The following GPC5 variants were observed in gnomAD, a reference collection of about 807,000 sequenced individuals.
GPC5 encodes glypican-5.
In GPC5, 47 loss-of-function variants were observed where a neutral mutation model predicts 53.9. That is an observed-to-expected ratio of 0.87 (90% CI 0.69 to 1.11). GPC5 has a LOEUF of 1.11. GPC5 is among the 50% of genes most tolerant of loss of function. The pLI is 0.00. For missense variants in GPC5, 748 were observed against 713.1 expected (o/e 1.05, Z -0.56); for synonymous variants, 286 against 263.3 (o/e 1.09, Z -0.84).
At chr13:92,866,244 G>T (rs771526459) in intron 7 of GPC5, 38 bp from the exon 8 acceptor site, 2 of 1,574,996 alleles carry the variant, frequency 1.3e-6, no homozygotes, top group Non-Finnish European at 1.7e-6. Context: ...TGGTGAAGTG[G>T]TCATGCATCA....
At chr13:92,646,218 G>A (rs1439099060) in intron 7 of GPC5, among the ~76,000 whole-genome samples, 1 of 151,976 alleles carries the variant, frequency 6.6e-6, no homozygotes, top group Admixed American at 6.6e-5. Flanking sequence ...GAAAGGTGAG[G>A]ATCAACACTC....
At chr13:92,197,137 T>C (rs1680469373) in intron 7 of GPC5, among the ~76,000 whole-genome samples, 1 of 152,066 alleles carries the variant, frequency 6.6e-6, no homozygotes, top group African/African-American at 2.4e-5. Context: ...TTTTAAAGGG[T>C]ATTCCTAATA....
At chr13:92,434,452 G>GA (rs1343600757) in intron 7 of GPC5, among the ~76,000 whole-genome samples, 1 of 151,700 alleles carries the variant, frequency 6.6e-6, no homozygotes, top group Admixed American at 6.6e-5. Flanking sequence ...TACTACAAGA[G>GA]AAAAAACATA....
At chr13:92,403,935 T>C (rs1875674451) in intron 7 of GPC5, among the ~76,000 whole-genome samples, 1 of 152,178 alleles carries the variant, frequency 6.6e-6, no homozygotes, top group African/African-American at 2.4e-5. Flanking sequence ...AATATTTCAT[T>C]TTCTTTTAAA....
intron 7 of GPC5, among the ~76,000 whole-genome samples, chr13:92,616,725 G>A (rs1373320560): frequency 6.6e-6 from 1 of 152,108 alleles, no homozygotes; most frequent in African/African-American, 2.4e-5. Context: ...TGAGAAACAT[G>A]ATGTAAAAGG....
chr13:91,898,238 A>G (rs1437107746), intron 5 of GPC5, among the ~76,000 whole-genome samples: 1 of 152,146 alleles, frequency 6.6e-6, no homozygotes, highest in African/African-American at 2.4e-5. Context: ...GTTTTATTAT[A>G]TTGTCCATTG....
chr13:92,223,926 A>G (rs2042466677), intron 7 of GPC5, among the ~76,000 whole-genome samples: 1 of 152,182 alleles, frequency 6.6e-6, no homozygotes, highest in African/African-American at 2.4e-5. Flanking sequence ...TTCCAAGAAT[A>G]TAAGAGGAAA....
chr13:91,410,360 T>TTTTG (rs1191983487), intron 1 of GPC5, among the ~76,000 whole-genome samples: 2 of 146,246 alleles, frequency 1.4e-5, no homozygotes, highest in Non-Finnish European at 3.0e-5. Context: ...TTTTTTTTTT[T>TTTTG]TTTGAGACCA....
chr13:92,010,668 C>G (rs962433460), intron 6 of GPC5, among the ~76,000 whole-genome samples: 2 of 152,118 alleles, frequency 1.3e-5, no homozygotes, highest in African/African-American at 4.8e-5. Context: ...GCCCTCTCTC[C>G]CTTTCTCTGT....
intron 6 of GPC5, among the ~76,000 whole-genome samples, chr13:92,121,259 T>G (rs2138944915): frequency 6.6e-6 from 1 of 152,314 alleles, no homozygotes; most frequent in African/African-American, 2.4e-5. Context: ...CCAATGGGCT[T>G]AGTCACAGGG....
At chr13:92,760,083 A>G (rs1038542200) in intron 7 of GPC5, among the ~76,000 whole-genome samples, 20 of 152,048 alleles carry the variant, frequency 1.3e-4, no homozygotes, top group African/African-American at 4.3e-4. Flanking sequence ...GTAATGGACA[A>G]TCTTTTTTAT....
chr13:91,410,638 G>GCA (rs1877689144), intron 1 of GPC5, among the ~76,000 whole-genome samples: 3 of 151,918 alleles, frequency 2.0e-5, no homozygotes, highest in Non-Finnish European at 4.4e-5. Flanking sequence ...GAGCCACTAC[G>GCA]CCCGGCCTTC....
chr13:92,388,913 T>A (rs1874866063), intron 7 of GPC5, among the ~76,000 whole-genome samples: 1 of 152,106 alleles, frequency 6.6e-6, no homozygotes, highest in South Asian at 2.1e-4. Flanking sequence ...CAAAAATGGT[T>A]ATGGGATAGT....
At chr13:92,585,045 C>T (rs559578720) in intron 7 of GPC5, among the ~76,000 whole-genome samples, 14 of 152,158 alleles carry the variant, frequency 9.2e-5, no homozygotes, top group Non-Finnish European at 1.6e-4. Flanking sequence ...GGAGAACTTC[C>T]GCTAGAGCAG....
rs2039956766 is a variant in GPC5 at position 91,944,388 on chromosome 13, G to A, written c.1401+36331G>A. Among the ~76,000 whole-genome samples the A allele has an allele frequency of 2.6e-5, 4 of 152,010 alleles. No homozygotes were observed. The South Asian group carries it at 6.2e-4, about 24-fold the overall frequency. On this transcript the variant is annotated intron_variant, in intron 6 of 7. Transcript: ENST00000377067. The stretch of plus-strand genomic sequence containing the variant: ...TGGGATTACAGGCGTGAGCCACCGC[G>A]CCCGGCCTGTGGCAGGATATTTCTT...
chr13:92,671,966 CA>C (rs1886767774), intron 7 of GPC5, among the ~76,000 whole-genome samples: 1 of 152,094 alleles, frequency 6.6e-6, no homozygotes, highest in Non-Finnish European at 1.5e-5. Flanking sequence ...AAACTCATTG[CA>C]AAATCATTGC....
chr13:92,052,706 C>T (rs971235948), intron 6 of GPC5, among the ~76,000 whole-genome samples: 1 of 152,124 alleles, frequency 6.6e-6, no homozygotes, highest in Non-Finnish European at 1.5e-5. Flanking sequence ...AAAAGTTTTC[C>T]AAGTCCCCAC....
chr13:92,762,036 T>C (rs1405029589), intron 7 of GPC5, among the ~76,000 whole-genome samples: 1 of 151,676 alleles, frequency 6.6e-6, no homozygotes, highest in East Asian at 1.9e-4. Context: ...AGGGAGTCCT[T>C]CAAATAGAAA....
intron 6 of GPC5, among the ~76,000 whole-genome samples, chr13:91,925,107 C>T (rs2039754796): frequency 6.6e-6 from 1 of 152,212 alleles, no homozygotes; most frequent in African/African-American, 2.4e-5. Flanking sequence ...GCGTGAGCTA[C>T]TGTGCCCGGC....
Sources: allele counts gnomAD v4.1 joint callset (sites outside exome capture counted in the v4.1 genomes callset), GRCh38; gene constraint gnomAD v4.1.1; transcripts MANE v1.5; gene names NCBI Gene and HGNC (gene_info 2026-07-23, HGNC 2026-07-21).